Variants in APOE observed in about 807,000 individuals in gnomAD.
APOE encodes the protein apolipoprotein E.
A neutral mutation model predicts 13.1 loss-of-function variants in APOE; 10 were observed. That is an observed-to-expected ratio of 0.76 (90% confidence interval 0.47 to 1.29). The LOEUF is 1.29. Among genes scored for constraint, APOE ranks in the 50% most tolerant of loss-of-function variants. The pLI is 0.00. For synonymous variants in APOE, 211 were observed against 207.1 expected (o/e 1.02, Z -0.16); for missense variants, 471 against 459.6 (o/e 1.02, Z -0.23).
chr19:44,906,714 A>G (rs1969816114), intron 2 of APOE, 47 bp downstream of exon 2: 1 of 1,588,200 alleles, frequency 6.3e-7, no homozygotes, highest in East Asian at 2.2e-5. Flanking sequence ...TCCCCCTCTC[A>G]TCCTCACCTC....
In APOE at chr19:44,908,710, C is replaced by T. The variant is rs1267728092; in HGVS notation, c.414C>T (p.Gly138=). Residue 138 remains glycine, a synonymous_variant, in exon 4 of 4, where the codon GGC becomes GGT. Coordinates refer to ENST00000252486, the MANE Select transcript of APOE (RefSeq NM_000041.4). ...DVCGRLVQYR[G]EVQAMLGQST... ...GCGGCCGCCTGGTGCAGTACCGCGG[C>T]GAGGTGCAGGCCATGCTCGGCCAGA... 8 of 1,559,856 alleles carry T rather than the reference C, an allele frequency of 5.1e-6. No individual in the cohort carries two copies. Among genetic ancestry groups the T allele is most frequent in the East Asian group, 2.4e-5 (1 of 41,542 alleles).
intron 1 of APOE, 24 bp downstream of exon 1, chr19:44,905,865 G>C (rs1180125575): frequency 3.1e-6 from 4 of 1,294,994 alleles, no homozygotes; most frequent in African/African-American, 1.5e-5. Context: ...TCGGGGGCAC[G>C]GGGATGAGCT....
chr19:44,907,632 T>TC lies in APOE; in HGVS notation c.44-122dup. On this transcript the variant is annotated intron_variant, in intron 2 of 3. Coordinates refer to ENST00000252486, the MANE Select transcript of APOE (RefSeq NM_000041.4). This position sits in a 1 kb window ranked among gnomAD's most constrained non-coding sequence, Gnocchi z 4.1. ...ATGCTTTCCAAGTGATTAAACCGAC[T>TC]CCCCCCTCACCCTGCCCACCATGGC... The TC allele has an allele frequency of 1.3e-6, 1 of 789,028 alleles. No homozygotes were observed. The highest frequency in any genetic ancestry group is 3.0e-4 in the Middle Eastern group (1 of 3,296). The allele number at this position is 789,028 out of a possible 1,614,324, so 48.9% of individuals were successfully genotyped here.
Position 44,908,834 on chromosome 19 carries a change from T to C in APOE, c.538T>C (p.Tyr180His), listed in dbSNP as rs751200677. ...ADDLQKRLAVYQAGAREGAER... is the reference protein window; with the variant it reads ...ADDLQKRLAVHQAGAREGAER... ...TGACCTGCAGAAGCGCCTGGCAGTGTACCAGGCCGGGGCCCGCGAGGGCGC... is the reference window on the plus strand; with the variant it reads ...TGACCTGCAGAAGCGCCTGGCAGTGCACCAGGCCGGGGCCCGCGAGGGCGC... Residue 180 changes from tyrosine to histidine, a missense_variant, in exon 4 of 4, where the codon TAC becomes CAC. Tyr to His is a moderately conservative substitution (Grantham distance 83). Transcript: ENST00000252486. 6.5e-7 allele frequency: 1 copy of C among 1,534,956 alleles called. No homozygotes were observed. The highest frequency in any genetic ancestry group is 1.2e-5 in the South Asian group (1 of 84,040).
Position 44,908,686 on chromosome 19 carries a change from C to T in APOE, c.390C>T (p.Cys130=). ...ARLGADMEDV[C]GRLVQYRGEV... ...TGGGCGCGGACATGGAGGACGTGTGCGGCCGCCTGGTGCAGTACCGCGGCG... is the reference window on the plus strand; with the variant it reads ...TGGGCGCGGACATGGAGGACGTGTGTGGCCGCCTGGTGCAGTACCGCGGCG... Residue 130 remains cysteine, a synonymous_variant, in exon 4 of 4, where the codon TGC becomes TGT. Coordinates refer to ENST00000252486, the MANE Select transcript of APOE (RefSeq NM_000041.4). The T allele has an allele frequency of 6.4e-7, 1 of 1,567,296 alleles. No homozygotes were observed. The highest frequency in any genetic ancestry group is 8.6e-7 in the Non-Finnish European group (1 of 1,156,654).
chr19:44,908,806 C>G lies in APOE; in HGVS notation c.510C>G (p.Ala170=). 6.5e-7 allele frequency: 1 copy of G among 1,546,998 alleles called. No homozygotes were observed. Among genetic ancestry groups the G allele is most frequent in the Non-Finnish European group, 8.7e-7 (1 of 1,150,748 alleles). The change falls in exon 4 of 4, where the codon GCC becomes GCG. Residue 170 remains alanine, a synonymous_variant. Coordinates refer to ENST00000252486, the MANE Select transcript of APOE (RefSeq NM_000041.4). ...RKLRKRLLRD[A]DDLQKRLAVY... is the part of the protein sequence containing the mutation. ...TGCGTAAGCGGCTCCTCCGCGATGC[C>G]GATGACCTGCAGAAGCGCCTGGCAG...
chr19:44,908,393 T>C, intron 3 of APOE, 140 bp from the exon 4 acceptor site: 1 of 849,980 alleles, frequency 1.2e-6, no homozygotes, highest in Non-Finnish European at 1.9e-6. Context: ...TGCATCTGTC[T>C]CTGTCTCCTT....
chr19:44,909,296 C>G lies in APOE; in HGVS notation c.*46C>G, dbSNP rs778534804. Reference sequence around the variant, plus strand: ...GCGACCCCACGCCACCCCGTGCCTCCTGCCTCCGCGCAGCCTGCAGCGGGA... The same window carrying G: ...GCGACCCCACGCCACCCCGTGCCTCGTGCCTCCGCGCAGCCTGCAGCGGGA... On this transcript the variant is annotated 3_prime_UTR_variant, in exon 4 of 4. Coordinates refer to ENST00000252486, the MANE Select transcript of APOE (RefSeq NM_000041.4). 3 of 1,563,658 alleles carry G rather than the reference C, an allele frequency of 1.9e-6. No homozygotes were observed. The highest frequency in any genetic ancestry group is 2.6e-6 in the Non-Finnish European group (3 of 1,151,276).
chr19:44,908,982 G>T lies in APOE; in HGVS notation c.686G>T (p.Gly229Val), dbSNP rs1357260388. 6.5e-7 allele frequency: 1 copy of T among 1,532,034 alleles called. No individual in the cohort carries two copies. The highest frequency in any genetic ancestry group is 2.0e-5 in the Admixed American group (1 of 50,838). 94.9% of individuals were successfully genotyped at this position (1,532,034 alleles called of 1,614,324 possible). ...CTACAGGAGCGGGCCCAGGCCTGGG[G>T]CGAGCGGCTGCGCGCGCGGATGGAG... ...QPLQERAQAW[G>V]ERLRARMEEM... Residue 229 changes from glycine to valine, a missense_variant, in exon 4 of 4, where the codon GGC (glycine) becomes GTC (valine). Gly to Val is a moderately radical substitution (Grantham distance 109). Coordinates refer to ENST00000252486, the MANE Select transcript of APOE (RefSeq NM_000041.4).
At position 44,909,226 on chromosome 19, in the gene APOE, C is replaced by G. The variant is rs1312197636; in HGVS notation, c.930C>G (p.Ala310=). 5.0e-6 allele frequency: 8 copies of G among 1,596,974 alleles called. No homozygotes were observed. In the South Asian group the frequency reaches 6.6e-5, roughly 13 times the overall value. Residue 310 remains alanine (A), a synonymous_variant, in exon 4 of 4, where the codon GCC becomes GCG. Coordinates refer to ENST00000252486, the MANE Select transcript of APOE (RefSeq NM_000041.4). ...KVQAAVGTSA[A]PVPSDNH ...AGGCTGCCGTGGGCACCAGCGCCGCCCCTGTGCCCAGCGACAATCACTGAA... is the reference window on the plus strand; with the variant it reads ...AGGCTGCCGTGGGCACCAGCGCCGCGCCTGTGCCCAGCGACAATCACTGAA...
Position 44,909,370 on chromosome 19 carries a change from TAAAGATTCACC to T in APOE, c.*123_*133del, listed in dbSNP as rs1969894235. 1 of 917,278 alleles carries T rather than the reference TAAAGATTCACC, an allele frequency of 1.1e-6. No individual in the cohort carries two copies. Among genetic ancestry groups the T allele is most frequent in the Non-Finnish European group, 1.7e-6 (1 of 591,408 alleles). 56.8% of individuals were successfully genotyped at this position (917,278 alleles called of 1,614,324 possible). A position where few individuals can be genotyped will look rare whatever the true frequency, so the allele number is the denominator to read the frequency against. The stretch of plus-strand genomic sequence containing the variant: ...CCTCCTGGGGTGGACCCTAGTTTAA[TAAAGATTCACC>T]AAGTTTCACGCATCTGCTGGCCTCC... On this transcript the variant is annotated 3_prime_UTR_variant, in exon 4 of 4. Transcript: ENST00000252486.
rs746294588 is a variant in APOE, at chr19:44,909,190, G to T, written c.894G>T (p.Val298=). 2 of 1,598,936 alleles carry T rather than the reference G, an allele frequency of 1.3e-6. No homozygotes were observed. Among genetic ancestry groups the T allele is most frequent in the Admixed American group, 1.7e-5 (1 of 59,778 alleles). The change falls in exon 4 of 4, where the codon GTG becomes GTT. Residue 298 remains valine, a synonymous_variant. Coordinates refer to ENST00000252486, the MANE Select transcript of APOE (RefSeq NM_000041.4). ...TGCAGCGCCAGTGGGCCGGGCTGGT[G>T]GAGAAGGTGCAGGCTGCCGTGGGCA... ...EDMQRQWAGL[V]EKVQAAVGTS... is the part of the protein sequence containing the mutation.
In APOE at chr19:44,908,699, C is replaced by A; in HGVS notation, c.403C>A (p.Gln135Lys). The stretch of plus-strand genomic sequence containing the variant: ...GGAGGACGTGTGCGGCCGCCTGGTG[C>A]AGTACCGCGGCGAGGTGCAGGCCAT... Reference protein sequence around the residue: ...DMEDVCGRLVQYRGEVQAMLG... With the variant: ...DMEDVCGRLVKYRGEVQAMLG... The change falls in exon 4 of 4, where the codon CAG (glutamine) becomes AAG (lysine). Residue 135 changes from glutamine to lysine, a missense_variant. Physicochemically the swap from Gln to Lys is moderately conservative, Grantham distance 53 (BLOSUM62 1). Transcript: ENST00000252486. 1 of 1,562,522 alleles carries A rather than the reference C, an allele frequency of 6.4e-7. No individual in the cohort carries two copies. The highest frequency in any genetic ancestry group is 2.4e-5 in the East Asian group (1 of 41,616).
rs1237443001 is a variant in APOE, at chr19:44,909,019, C to T, written c.723C>T (p.Ser241=). The part of the protein sequence containing the change: ...RLRARMEEMG[S]RTRDRLDEVK... ...GCGCGCGGATGGAGGAGATGGGCAG[C>T]CGGACCCGCGACCGCCTGGACGAGG... The change falls in exon 4 of 4, where the codon AGC becomes AGT. Residue 241 remains serine (S), a synonymous_variant. Transcript: ENST00000252486. The T allele has an allele frequency of 6.5e-7, 1 of 1,538,562 alleles. No individual in the cohort carries two copies. Among genetic ancestry groups the T allele is most frequent in the Non-Finnish European group, 8.7e-7 (1 of 1,147,664 alleles).
Position 44,905,842 on chromosome 19 carries a change from G to A in APOE, c.-24+1G>A. 7.7e-7 allele frequency: 1 copy of A among 1,295,374 alleles called. No individual in the cohort carries two copies. Among genetic ancestry groups the A allele is most frequent in the South Asian group, 1.2e-5 (1 of 80,390 alleles). The allele number at this position is 1,295,374 out of a possible 1,614,324, so 80.2% of individuals were successfully genotyped here. A position where few individuals can be genotyped will look rare whatever the true frequency, so the allele number is the denominator to read the frequency against. ...GAAGGACGTCCTTCCCCAGGAGCCG[G>A]TGAGAAGCGCAGTCGGGGGCACGGG... On this transcript the variant is annotated splice_donor_variant, in intron 1 of 3. Transcript: ENST00000252486. LOFTEE classifies it low-confidence loss of function (5UTR_SPLICE).
intron 1 of APOE, 153 bp from the exon 2 acceptor site, chr19:44,906,449 T>C (rs568489254): frequency 6.4e-4 from 486 of 764,442 alleles, no homozygotes; most frequent in Non-Finnish European, 1.0e-3. Context: ...AGGGAATGGG[T>C]TGGGGGCGGC....
chr19:44,909,287 C>T lies in APOE; in HGVS notation c.*37C>T, dbSNP rs755218314. The T allele has an allele frequency of 2.3e-5, 36 of 1,580,508 alleles. No homozygotes were observed. Among genetic ancestry groups the T allele is most frequent in the Non-Finnish European group, 2.9e-5 (34 of 1,166,054 alleles). ...TGCAGCCATGCGACCCCACGCCACCCCGTGCCTCCTGCCTCCGCGCAGCCT... is the reference window on the plus strand; with the variant it reads ...TGCAGCCATGCGACCCCACGCCACCTCGTGCCTCCTGCCTCCGCGCAGCCT... On this transcript the variant is annotated 3_prime_UTR_variant, in exon 4 of 4. Coordinates refer to ENST00000252486, the MANE Select transcript of APOE (RefSeq NM_000041.4).
chr19:44,906,533 G>C (rs1382100273), intron 1 of APOE, 69 bp from the exon 2 acceptor site: 2 of 1,565,782 alleles, frequency 1.3e-6, no homozygotes, highest in East Asian at 4.5e-5. Context: ...GGGTGAGGCC[G>C]GGTTGGGGCC....
chr19:44,906,231 C>T (rs138102896), intron 1 of APOE: 10 of 375,938 alleles, frequency 2.7e-5, no homozygotes, highest in Non-Finnish European at 5.1e-5. Flanking sequence ...ACTGAATTAG[C>T]TCATAAATGG....
Sources: allele counts gnomAD v4.1 joint callset, GRCh38; gene constraint gnomAD v4.1.1; non-coding constraint Gnocchi (gnomAD v3.1); transcripts MANE v1.5; gene names NCBI Gene and HGNC (gene_info 2026-07-23, HGNC 2026-07-21).